CAMKK2: variants seen among roughly 807,000 people sequenced by gnomAD.
CAMKK2 encodes calcium/calmodulin-dependent protein kinase kinase 2.
Under a neutral mutation model 67.2 loss-of-function variants are expected in CAMKK2, and 30 were observed. The ratio of observed to expected loss-of-function variants is 0.45; its 90% CI spans 0.33 to 0.61. The LOEUF (loss-of-function observed/expected upper bound fraction) is 0.61. Among genes scored for constraint, CAMKK2 ranks in the 20% least tolerant of loss-of-function variants. CAMKK2 has a pLI of 0.02. For synonymous variants in CAMKK2, 322 were observed against 326.2 expected (o/e 0.99, Z 0.14); for missense variants, 643 against 802.0 (o/e 0.80, Z 2.39).
chr12:121,255,522 T>C (rs1892078294), intron 9 of CAMKK2, 28 bp downstream of exon 9: 1 of 1,579,036 alleles, frequency 6.3e-7, no homozygotes, highest in Non-Finnish European at 8.7e-7. Flanking sequence ...ACCCACTGGG[T>C]GAGAGCCCTC....
chr12:121,252,084 G>A (rs1290372638), intron 11 of CAMKK2, among the ~76,000 whole-genome samples: 1 of 150,878 alleles, frequency 6.6e-6, no homozygotes, highest in South Asian at 2.1e-4. Flanking sequence ...AAATGGGAGA[G>A]GTGGCAGAAC....
intron 11 of CAMKK2, among the ~76,000 whole-genome samples, chr12:121,250,341 T>C (rs1890428055): frequency 6.6e-6 from 1 of 152,160 alleles, no homozygotes; most frequent in Non-Finnish European, 1.5e-5. Flanking sequence ...ACACTGCTCG[T>C]CACCTACTTG....
intron 1 of CAMKK2, among the ~76,000 whole-genome samples, chr12:121,279,787 A>G (rs1441206316): frequency 6.6e-6 from 1 of 152,164 alleles, no homozygotes; most frequent in Non-Finnish European, 1.5e-5. Context: ...GAGCCACCAG[A>G]GCCTTCCTGG....
chr12:121,270,887 G>A lies in CAMKK2; in HGVS notation c.519+11C>T, dbSNP rs892299643. ...AATGCAGAAAGCCAGCCTAGCCCCA[G>A]GGATATTTACCTTTCCAATTTCATC... On this transcript the variant is annotated intron_variant, in intron 3 of 16. Transcript: ENST00000404169. The A allele has an allele frequency of 6.2e-7, 1 of 1,610,084 alleles. No homozygotes were observed. The highest frequency in any genetic ancestry group is 1.3e-5 in the African/African-American group (1 of 74,784).
chr12:121,271,834 A>G (rs979316269), intron 2 of CAMKK2, among the ~76,000 whole-genome samples: 1 of 152,142 alleles, frequency 6.6e-6, no homozygotes, highest in Non-Finnish European at 1.5e-5. Flanking sequence ...CAGCCTCCCA[A>G]GTAGCTGGGA....
intron 1 of CAMKK2, among the ~76,000 whole-genome samples, chr12:121,277,465 A>G (rs1248899901): frequency 6.6e-6 from 1 of 152,226 alleles, no homozygotes; most frequent in African/African-American, 2.4e-5. Flanking sequence ...ACAATAGCCA[A>G]AAGGTATAAC....
At chr12:121,255,246 A>T in intron 9 of CAMKK2, among the ~76,000 whole-genome samples, 1 of 81,828 alleles carries the variant, frequency 1.2e-5, no homozygotes, top group South Asian at 3.3e-4. Flanking sequence ...TTATATATAT[A>T]TAATTATATA....
chr12:121,272,816 T>C (rs1490000507), intron 2 of CAMKK2, among the ~76,000 whole-genome samples: 3 of 151,842 alleles, frequency 2.0e-5, no homozygotes, highest in East Asian at 3.9e-4. Flanking sequence ...GAGGTTGCAG[T>C]GAGCCAAAAT....
At chr12:121,269,814 C>T (rs1593405920) in intron 3 of CAMKK2, 11 of 425,526 alleles carry the variant, frequency 2.6e-5, no homozygotes, top group East Asian at 1.1e-4. Context: ...TTTGGGAGGC[C>T]GAGGCAGGCG....
rs549576646 is a variant in CAMKK2 at position 121,254,140 on chromosome 12, A to C, written c.908-668T>G. ...TTACATTTAATTAAACCTCACAACC[A>C]TCCTATGTGACAGGCAGGGATAAGA... On this transcript the variant is annotated intron_variant, in intron 9 of 16. Coordinates refer to ENST00000404169, the MANE Select transcript of CAMKK2 (RefSeq NM_001270485.2). 3.9e-5 allele frequency among the ~76,000 whole-genome samples: 6 copies of C among 152,150 alleles called. No homozygotes were observed. In the East Asian group the frequency reaches 1.2e-3, roughly 30 times the overall value.
At position 121,274,001 on chromosome 12, in the gene CAMKK2, G is replaced by T; in HGVS notation, c.471+55C>A. ...AACCTTCCACAGAGGCCCTGCTGGGGGCAGGGAAGGGCACCAGGGACCCCT... is the reference window on the plus strand; with the variant it reads ...AACCTTCCACAGAGGCCCTGCTGGGTGCAGGGAAGGGCACCAGGGACCCCT... On this transcript the variant is annotated intron_variant, in intron 2 of 16. Transcript: ENST00000404169. 2.4e-6 allele frequency: 3 copies of T among 1,263,636 alleles called. No individual in the cohort carries two copies. The South Asian group carries it at 4.8e-5, about 20-fold the overall frequency. The allele number at this position is 1,263,636 out of a possible 1,614,324, so 78.3% of individuals were successfully genotyped here.
chr12:121,274,805 C>CTTTTTTTTTTT (rs140150523), intron 1 of CAMKK2, among the ~76,000 whole-genome samples: 26 of 132,896 alleles, frequency 2.0e-4, no homozygotes, highest in South Asian at 4.7e-4. Flanking sequence ...CTTTTTTTTT[C>CTTTTTTTTTTT]TTTTTTTTTT....
intron 10 of CAMKK2, 22 bp from the exon 11 acceptor site, chr12:121,252,736 G>A: frequency 6.2e-7 from 1 of 1,613,614 alleles, no homozygotes; most frequent in East Asian, 2.2e-5. Flanking sequence ...AGAGCTTAGT[G>A]TGAGGGCATA....
chr12:121,264,645 G>A lies in CAMKK2; in HGVS notation c.626-706C>T, dbSNP rs556759238. 3.3e-5 allele frequency among the ~76,000 whole-genome samples: 5 copies of A among 152,056 alleles called. No individual in the cohort carries two copies. In the East Asian group the frequency reaches 9.7e-4, roughly 29 times the overall value. ...AAAAATTAGCCGGGCGTGGTGGTGG[G>A]CGCCTGTAGTCCCAGCTACTGGGGA... On this transcript the variant is annotated intron_variant, in intron 5 of 16. Coordinates refer to ENST00000404169, the MANE Select transcript of CAMKK2 (RefSeq NM_001270485.2).
At chr12:121,269,833 GAGTTA>G (rs1895367304) in intron 3 of CAMKK2, 3 of 406,126 alleles carry the variant, frequency 7.4e-6, no homozygotes, top group Non-Finnish European at 1.3e-5. Flanking sequence ...CGGATCACTT[GAGTTA>G]AGGAGTTTGA....
At chr12:121,269,452 C>A (rs911009227) in intron 4 of CAMKK2, 76 bp downstream of exon 4, 1 of 1,190,666 alleles carries the variant, frequency 8.4e-7, no homozygotes, top group South Asian at 1.3e-5. Context: ...GGAAAACTTT[C>A]CAGGAAGCTG....
At chr12:121,269,671 C>G (rs1038978917) in intron 3 of CAMKK2, 90 bp from the exon 4 acceptor site, 1 of 998,302 alleles carries the variant, frequency 1.0e-6, no homozygotes, top group African/African-American at 1.6e-5. Context: ...AACCGGCAGC[C>G]CATTGGTCAA....
At chr12:121,266,536 G>A (rs1323361695) in intron 5 of CAMKK2, among the ~76,000 whole-genome samples, 1 of 146,752 alleles carries the variant, frequency 6.8e-6, no homozygotes, top group Non-Finnish European at 1.5e-5. Context: ...TCGCTCTGTC[G>A]CCTAGGCTGG....
At chr12:121,258,110 C>T (rs748701358) in intron 7 of CAMKK2, among the ~76,000 whole-genome samples, 41 of 151,786 alleles carry the variant, frequency 2.7e-4, no homozygotes, top group Non-Finnish European at 5.3e-4. Context: ...CTGCAACCTC[C>T]GCTTCCCAGG....
Sources: gnomAD v4.1 joint callset for allele counts (sites outside exome capture counted in the v4.1 genomes callset) on GRCh38, gnomAD v4.1.1 for gene constraint, MANE v1.5 for transcripts, NCBI Gene and HGNC (gene_info 2026-07-23, HGNC 2026-07-21) for gene names.